GABARAPL2: variants seen among roughly 807,000 people sequenced by gnomAD.
GABARAPL2 encodes the protein GABA type A receptor associated protein like 2.
In GABARAPL2, 11 loss-of-function variants were observed where a neutral mutation model predicts 16.9. That is an observed-to-expected ratio of 0.65 (90% confidence interval 0.41 to 1.08). The LOEUF (loss-of-function observed/expected upper bound fraction) is 1.08, where lower values mean the gene tolerates loss of function less well. GABARAPL2 is among the 50% of genes least tolerant of loss of function. The pLI is 0.00. For missense variants in GABARAPL2, 134 were observed against 142.5 expected (o/e 0.94, Z 0.30); for synonymous variants, 57 against 50.7 (o/e 1.12, Z -0.53).
chr16:75,574,046 A>G (rs2080932140), intron 3 of GABARAPL2, among the ~76,000 whole-genome samples: 1 of 152,220 alleles, frequency 6.6e-6, no homozygotes, highest in Admixed American at 6.5e-5. Flanking sequence ...AATGAACCCA[A>G]GTTTTACTTA....
At chr16:75,571,586 C>T (rs967981113) in intron 3 of GABARAPL2, among the ~76,000 whole-genome samples, 14 of 152,140 alleles carry the variant, frequency 9.2e-5, no homozygotes, top group African/African-American at 3.1e-4. Flanking sequence ...AATGACTTCT[C>T]ACCCCACACT....
rs770020138 is a variant in GABARAPL2, at chr16:75,566,910, G to A, written c.90+3G>A. On this transcript the variant is annotated splice_donor_region_variant and intron_variant, in intron 2 of 3. Transcript: ENST00000037243. ...CGAAATATCCCGACAGGGTTCCGGT[G>A]AGTGGACTCTCCGCCCCCTCACCTC... The A allele has an allele frequency of 6.2e-7, 1 of 1,611,646 alleles. No homozygotes were observed. The highest frequency in any genetic ancestry group is 1.7e-5 in the Admixed American group (1 of 60,024).
At chr16:75,570,437 C>G (rs191903439) in intron 3 of GABARAPL2, among the ~76,000 whole-genome samples, 2 of 152,320 alleles carry the variant, frequency 1.3e-5, no homozygotes, top group East Asian at 1.9e-4. Context: ...TTCCTCAGGT[C>G]TTTTCAGCTT....
At chr16:75,573,999 A>T (rs1415120070) in intron 3 of GABARAPL2, among the ~76,000 whole-genome samples, 1 of 152,270 alleles carries the variant, frequency 6.6e-6, no homozygotes, top group African/African-American at 2.4e-5. Flanking sequence ...TTTTACTATC[A>T]GCTTCTGTAG....
rs144021626 is a variant in GABARAPL2, at chr16:75,571,719, A to G, written c.263+3510A>G. Among the ~76,000 whole-genome samples, 142 of 148,890 alleles carry G rather than the reference A, an allele frequency of 9.5e-4. 1 individual carries two copies. In the Middle Eastern group the frequency reaches 0.011, roughly 11 times the overall value. On this transcript the variant is annotated intron_variant, in intron 3 of 3. Transcript: ENST00000037243. The stretch of plus-strand genomic sequence containing the variant: ...GAGTTTCACTCATGTCGCCCAGGCT[A>G]GAGTGCCCAGGCAGTGGCGCGATCT...
chr16:75,574,719 T>G (rs2080937169), intron 3 of GABARAPL2, among the ~76,000 whole-genome samples: 1 of 151,978 alleles, frequency 6.6e-6, no homozygotes, highest in African/African-American at 2.4e-5. Flanking sequence ...CAACAAAAGG[T>G]CAGGCATTTC....
chr16:75,567,974 A>C, intron 2 of GABARAPL2, 63 bp from the exon 3 acceptor site: 2 of 1,319,572 alleles, frequency 1.5e-6, no homozygotes, highest in Non-Finnish European at 2.1e-6. Context: ...TCAGCTCCTC[A>C]GCCATGTGAG....
At chr16:75,571,876 C>T (rs572997509) in intron 3 of GABARAPL2, among the ~76,000 whole-genome samples, 1 of 152,068 alleles carries the variant, frequency 6.6e-6, no homozygotes, top group Non-Finnish European at 1.5e-5. Flanking sequence ...CGGGTTTTAC[C>T]ATGTTGGCCA....
intron 2 of GABARAPL2, among the ~76,000 whole-genome samples, chr16:75,567,743 C>T (rs963787023): frequency 6.6e-6 from 1 of 152,130 alleles, no homozygotes; most frequent in African/African-American, 2.4e-5. Context: ...GGATGAAACC[C>T]TCCCCAGATA....
chr16:75,574,815 A>ACTTTGGGAGGCGGAGGCGG (rs1597060928), intron 3 of GABARAPL2, among the ~76,000 whole-genome samples: 1 of 19,280 alleles, frequency 5.2e-5, no homozygotes, highest in Admixed American at 7.8e-4. Flanking sequence ...ACCTGAGGTC[A>ACTTTGGGAGGCGGAGGCGG]GGAGTTCAAG....
At chr16:75,566,724 G>A (rs2080885315) in intron 1 of GABARAPL2, 128 bp from the exon 2 acceptor site, 3 of 1,020,920 alleles carry the variant, frequency 2.9e-6, no homozygotes, top group Non-Finnish European at 4.5e-6. Flanking sequence ...TAGGGGACAG[G>A]ACCGCGGCCC....
intron 3 of GABARAPL2, 98 bp downstream of exon 3, chr16:75,568,307 C>A: frequency 1.3e-6 from 1 of 776,494 alleles, no homozygotes; most frequent in Non-Finnish European, 2.1e-6. Context: ...TCTTAGGGGT[C>A]CTGACTAGAA....
intron 3 of GABARAPL2, among the ~76,000 whole-genome samples, chr16:75,575,264 T>C (rs938606086): frequency 3.3e-5 from 5 of 151,860 alleles, no homozygotes; most frequent in Admixed American, 3.3e-4. Flanking sequence ...AATTTTCTAG[T>C]AGCCACATTA....
chr16:75,567,995 C>G (rs781259182), intron 2 of GABARAPL2, 42 bp from the exon 3 acceptor site: 78 of 1,517,410 alleles, frequency 5.1e-5, no homozygotes, highest in Non-Finnish European at 6.7e-5. Flanking sequence ...GCCAGAGCCT[C>G]GCTTTAGGAA....
chr16:75,572,934 C>T (rs894044431), intron 3 of GABARAPL2, among the ~76,000 whole-genome samples: 8 of 152,212 alleles, frequency 5.3e-5, no homozygotes, highest in African/African-American at 1.7e-4. Context: ...CTACAGCCAC[C>T]TCCCAGCAAC....
At chr16:75,574,862 T>TAAAAAC (rs1244631150) in intron 3 of GABARAPL2, among the ~76,000 whole-genome samples, 3 of 63,614 alleles carry the variant, frequency 4.7e-5, no homozygotes, top group Admixed American at 1.8e-4. Flanking sequence ...CCACCTCTAC[T>TAAAAAC]AAAAACAAAA....
Position 75,575,162 on chromosome 16 carries a change from C to T in GABARAPL2, c.264-2117C>T, listed in dbSNP as rs989376735. ...CAAGGCTGAGACCCACGGCTGCAGG[C>T]GTTGTTCCTCCCTCTACCCACTGCC... On this transcript the variant is annotated intron_variant, in intron 3 of 3. Transcript: ENST00000037243. Among the ~76,000 whole-genome samples, 13 of 152,226 alleles carry T rather than the reference C, an allele frequency of 8.5e-5. No individual in the cohort carries two copies. In the East Asian group the frequency reaches 1.4e-3, roughly 16 times the overall value.
chr16:75,570,708 T>G (rs1304700334), intron 3 of GABARAPL2, among the ~76,000 whole-genome samples: 1 of 152,232 alleles, frequency 6.6e-6, no homozygotes, highest in East Asian at 1.9e-4. Flanking sequence ...TATTAAATAT[T>G]GATTCTATAA....
chr16:75,577,597 C>T lies in GABARAPL2; in HGVS notation c.*228C>T. The T allele has an allele frequency of 4.9e-6, 2 of 411,026 alleles. No homozygotes were observed. Among genetic ancestry groups the T allele is most frequent in the Admixed American group, 3.9e-5 (1 of 25,466 alleles). The allele number at this position is 411,026 out of a possible 1,614,324, so 25.5% of individuals were successfully genotyped here. On this transcript the variant is annotated 3_prime_UTR_variant, in exon 4 of 4. Coordinates refer to ENST00000037243, the MANE Select transcript of GABARAPL2 (RefSeq NM_007285.7). Reference sequence around the variant, plus strand: ...TGCATTGTCCTCATGCCTGTATTCTCCAGGAAACTTGTCCTTCTGGAAATC... The same window carrying T: ...TGCATTGTCCTCATGCCTGTATTCTTCAGGAAACTTGTCCTTCTGGAAATC...
Sources: allele counts gnomAD v4.1 joint callset (sites outside exome capture counted in the v4.1 genomes callset), GRCh38; gene constraint gnomAD v4.1.1; transcripts MANE v1.5; gene names NCBI Gene and HGNC (gene_info 2026-07-23, HGNC 2026-07-21).